GPC6: variants seen among roughly 807,000 people sequenced by gnomAD.
GPC6 encodes glypican 6.
A neutral mutation model predicts 55.2 loss-of-function variants in GPC6; 14 were observed. The ratio of observed to expected loss-of-function variants is 0.25; its 90% CI spans 0.17 to 0.40. GPC6 has a LOEUF of 0.40. Among genes scored for constraint, GPC6 ranks in the 10% least tolerant of loss-of-function variants. GPC6 has a pLI of 1.00. For missense variants in GPC6, 641 were observed against 708.5 expected (o/e 0.90, Z 1.08); for synonymous variants, 278 against 259.6 (o/e 1.07, Z -0.68).
intron 4 of GPC6, among the ~76,000 whole-genome samples, chr13:94,139,139 G>C (rs1437665424): frequency 6.6e-6 from 1 of 151,742 alleles, no homozygotes; most frequent in Admixed American, 6.6e-5. Context: ...AGATAAGGCT[G>C]GGATCAGATG....
chr13:94,206,989 C>T (rs1176362017), intron 4 of GPC6, among the ~76,000 whole-genome samples: 1 of 152,182 alleles, frequency 6.6e-6, no homozygotes, highest in Non-Finnish European at 1.5e-5. Flanking sequence ...TTTCTTTACC[C>T]TAAATCATCT....
chr13:94,120,409 C>T (rs1886586429), intron 4 of GPC6, among the ~76,000 whole-genome samples: 1 of 152,100 alleles, frequency 6.6e-6, no homozygotes, highest in South Asian at 2.1e-4. Flanking sequence ...TGGCCTTAGT[C>T]ACTTACCTTA....
chr13:94,094,583 G>C (rs1229513218), intron 4 of GPC6, among the ~76,000 whole-genome samples: 1 of 151,968 alleles, frequency 6.6e-6, no homozygotes, highest in African/African-American at 2.4e-5. Flanking sequence ...TTCCAAGTTT[G>C]CCTCAATATA....
intron 1 of GPC6, among the ~76,000 whole-genome samples, chr13:93,299,017 T>C (rs1028302897): frequency 1.3e-5 from 2 of 152,032 alleles, no homozygotes; most frequent in Non-Finnish European, 2.9e-5. Flanking sequence ...TATGCAACCA[T>C]CTGGACTACA....
chr13:94,353,311 T>G (rs964690757), intron 6 of GPC6, among the ~76,000 whole-genome samples: 1 of 152,134 alleles, frequency 6.6e-6, no homozygotes, highest in Non-Finnish European at 1.5e-5. Flanking sequence ...ATTTCATCAT[T>G]TAATCCAAAA....
chr13:93,912,752 A>G (rs1877074108), intron 3 of GPC6, among the ~76,000 whole-genome samples: 1 of 152,156 alleles, frequency 6.6e-6, no homozygotes, highest in Non-Finnish European at 1.5e-5. Flanking sequence ...CAAAAAAAAC[A>G]AAACAAAACA....
intron 6 of GPC6, among the ~76,000 whole-genome samples, chr13:94,330,947 G>A (rs752130346): frequency 1.8e-4 from 27 of 151,826 alleles, no homozygotes; most frequent in Non-Finnish European, 3.4e-4. Flanking sequence ...ACTGTTCTAC[G>A]AGTTTAGTAT....
At chr13:94,008,866 T>C (rs1299856935) in intron 3 of GPC6, among the ~76,000 whole-genome samples, 2 of 152,186 alleles carry the variant, frequency 1.3e-5, no homozygotes, top group Non-Finnish European at 2.9e-5. Context: ...AACTTGTATT[T>C]CCATTATAAT....
At chr13:94,026,528 GT>G (rs1882904322) in intron 3 of GPC6, among the ~76,000 whole-genome samples, 1 of 151,838 alleles carries the variant, frequency 6.6e-6, no homozygotes, top group Non-Finnish European at 1.5e-5. Context: ...AAATATCAAA[GT>G]GATATGGAAC....
At chr13:94,150,441 C>A (rs763630774) in intron 4 of GPC6, among the ~76,000 whole-genome samples, 25 of 152,142 alleles carry the variant, frequency 1.6e-4, no homozygotes, top group Non-Finnish European at 2.6e-4. Flanking sequence ...CTTCCAAACC[C>A]CTTCTTGTTC....
chr13:94,190,429 G>A (rs1889353491), intron 4 of GPC6, among the ~76,000 whole-genome samples: 1 of 152,172 alleles, frequency 6.6e-6, no homozygotes, highest in Non-Finnish European at 1.5e-5. Context: ...AGGCTGCTGA[G>A]GCATGTGATC....
intron 1 of GPC6, among the ~76,000 whole-genome samples, chr13:93,451,437 T>A (rs889146014): frequency 6.6e-6 from 1 of 152,228 alleles, no homozygotes; most frequent in African/African-American, 2.4e-5. Context: ...TAATAATGGC[T>A]TTTACGTTTT....
chr13:93,643,310 GT>G (rs939316283), intron 2 of GPC6, among the ~76,000 whole-genome samples: 3 of 152,056 alleles, frequency 2.0e-5, no homozygotes, highest in Non-Finnish European at 4.4e-5. Flanking sequence ...CTTAGGCAGA[GT>G]AGGGGGGTTC....
At chr13:93,895,234 G>GTCTATA (rs1196315147) in intron 3 of GPC6, among the ~76,000 whole-genome samples, 1 of 108,208 alleles carries the variant, frequency 9.2e-6, no homozygotes, top group Non-Finnish European at 1.9e-5. Flanking sequence ...GTGTGTGTGT[G>GTCTATA]TATATATATA....
rs144784457 is a variant in GPC6, at chr13:93,616,339, A to T, written c.319+70918A>T. 8.7e-4 allele frequency among the ~76,000 whole-genome samples: 132 copies of T among 152,268 alleles called. 1 individual carries two copies. Among genetic ancestry groups the T allele is most frequent in the African/African-American group, 3.1e-3 (129 of 41,586 alleles). On this transcript the variant is annotated intron_variant, in intron 2 of 8. Transcript: ENST00000377047. ...AATGGAAATTTATTGGAGATGAGAAATTATGAAATTCACAGTCTTTACCAT... is the reference window on the plus strand; with the variant it reads ...AATGGAAATTTATTGGAGATGAGAATTTATGAAATTCACAGTCTTTACCAT...
At chr13:94,288,352 C>G (rs994590375) in intron 5 of GPC6, among the ~76,000 whole-genome samples, 1 of 151,994 alleles carries the variant, frequency 6.6e-6, no homozygotes, top group African/African-American at 2.4e-5. Context: ...CTGGAACCCC[C>G]TCCAATTTAT....
chr13:93,796,535 T>C (rs756659213), intron 2 of GPC6, among the ~76,000 whole-genome samples: 2 of 152,252 alleles, frequency 1.3e-5, no homozygotes, highest in African/African-American at 4.8e-5. Context: ...ATTCTGAACA[T>C]ATTAAATGAC....
intron 1 of GPC6, among the ~76,000 whole-genome samples, chr13:93,383,110 G>A (rs1307334873): frequency 6.6e-6 from 1 of 152,194 alleles, no homozygotes; most frequent in Non-Finnish European, 1.5e-5. Flanking sequence ...CTAAATGTTT[G>A]CTTGAGGAGT....
chr13:93,743,103 G>A (rs1884265807), intron 2 of GPC6, among the ~76,000 whole-genome samples: 1 of 152,158 alleles, frequency 6.6e-6, no homozygotes, highest in African/African-American at 2.4e-5. Context: ...ATGAGTAGAA[G>A]AATAACTTCC....
Sources: gnomAD v4.1 joint callset for allele counts (sites outside exome capture counted in the v4.1 genomes callset) on GRCh38, gnomAD v4.1.1 for gene constraint, MANE v1.5 for transcripts, NCBI Gene and HGNC (gene_info 2026-07-23, HGNC 2026-07-21) for gene names.